Variants in MRAP observed in about 807,000 individuals in gnomAD.
MRAP encodes the protein melanocortin 2 receptor accessory protein.
A neutral mutation model predicts 8.7 loss-of-function variants in MRAP; 8 were observed. That is an observed-to-expected ratio of 0.92 (90% CI 0.54 to 1.66). The LOEUF (loss-of-function observed/expected upper bound fraction) is 1.66, where lower values mean the gene tolerates loss of function less well. Among genes scored for constraint, MRAP ranks in the 40% most tolerant of loss-of-function variants. The pLI is 0.00. For synonymous variants in MRAP, 95 were observed against 95.5 expected (o/e 1.00, Z 0.03); for missense variants, 237 against 217.1 (o/e 1.09, Z -0.58).
At chr21:32,294,404 C>A (rs1251871952), upstream of MRAP, among the ~76,000 whole-genome samples, 1 of 152,172 alleles carries the variant, frequency 6.6e-6, no homozygotes, top group Non-Finnish European at 1.5e-5. Flanking sequence ...CATGAGCCGC[C>A]GCACCCGGAC....
intron 1 of MRAP, among the ~76,000 whole-genome samples, chr21:32,300,266 A>C (rs1210239998): frequency 1.3e-5 from 2 of 151,856 alleles, no homozygotes; most frequent in Admixed American, 1.3e-4. Context: ...ATGGTGGCTC[A>C]TGCCTGTAAT....
intron 1 of MRAP, among the ~76,000 whole-genome samples, chr21:32,304,510 G>C (rs1257077885): frequency 6.6e-6 from 1 of 152,018 alleles, no homozygotes; most frequent in Non-Finnish European, 1.5e-5. Flanking sequence ...AGCTACTCGG[G>C]AGGCTGAGGC....
At chr21:32,299,298 C>T (rs1221514725) in intron 1 of MRAP, among the ~76,000 whole-genome samples, 1 of 152,170 alleles carries the variant, frequency 6.6e-6, no homozygotes, top group South Asian at 2.1e-4. Context: ...TGCTAAGTCA[C>T]GAAGACACTT....
At chr21:32,308,597 C>G (rs2032474395) in intron 2 of MRAP, 1 of 152,688 alleles carries the variant, frequency 6.5e-6, no homozygotes, top group Non-Finnish European at 1.5e-5. Flanking sequence ...TCAGCCCTCA[C>G]AGCTGCTGCT....
At chr21:32,313,555 T>C (rs911361549), downstream of MRAP, 2 of 152,226 alleles carry the variant, frequency 1.3e-5, no homozygotes, top group South Asian at 2.1e-4. Flanking sequence ...TTATTTGTGG[T>C]GAAGGGACTG....
chr21:32,293,640 C>T lies in MRAP; in HGVS notation c.-11+508C>T, dbSNP rs1463424872. Among the ~76,000 whole-genome samples the T allele has an allele frequency of 2.6e-5, 4 of 152,182 alleles. No homozygotes were observed. In the South Asian group the frequency reaches 8.3e-4, roughly 31 times the overall value. On this transcript the variant is annotated intron_variant, in intron 2 of 4. Coordinates refer to the MRAP transcript ENST00000399784. ...CTCTAGATTTCTCCCTTCTACCTTTCTCTCCACACTCAATCTGTAGTTGTG... is the reference window on the plus strand; with the variant it reads ...CTCTAGATTTCTCCCTTCTACCTTTTTCTCCACACTCAATCTGTAGTTGTG...
At chr21:32,296,154 G>A (rs1282931746), upstream of MRAP, among the ~76,000 whole-genome samples, 1 of 151,984 alleles carries the variant, frequency 6.6e-6, no homozygotes, top group Non-Finnish European at 1.5e-5. Flanking sequence ...TCTGTGCCTC[G>A]GTGGTATCCC....
chr21:32,305,809 C>T (rs1444784430), intron 1 of MRAP, among the ~76,000 whole-genome samples: 2 of 151,950 alleles, frequency 1.3e-5, no homozygotes, highest in Non-Finnish European at 2.9e-5. Flanking sequence ...AGACAACCAC[C>T]AAGAAAAACT....
At chr21:32,304,696 C>T (rs1424438398) in intron 1 of MRAP, among the ~76,000 whole-genome samples, 1 of 152,030 alleles carries the variant, frequency 6.6e-6, no homozygotes, top group East Asian at 1.9e-4. Flanking sequence ...AAGCTTAGGA[C>T]ACACAGTTCA....
downstream of MRAP, chr21:32,312,395 G>C (rs1186600334): frequency 3.6e-5 from 38 of 1,054,802 alleles, no homozygotes; most frequent in Non-Finnish European, 3.8e-5. Flanking sequence ...AGGATGCTGG[G>C]TAAGTTCCCA....
chr21:32,302,289 C>T (rs1427044776), intron 1 of MRAP, among the ~76,000 whole-genome samples: 10 of 152,236 alleles, frequency 6.6e-5, no homozygotes, highest in African/African-American at 2.4e-4. Flanking sequence ...CATAAATAAA[C>T]TATCTCACAA....
chr21:32,298,753 T>A, upstream of MRAP: 2 of 510,312 alleles, frequency 3.9e-6, no homozygotes, highest in South Asian at 3.9e-5. Flanking sequence ...AAGGGGCAGA[T>A]GGGAAGCTCT....
At chr21:32,294,116 T>C (rs1486883714), upstream of MRAP, among the ~76,000 whole-genome samples, 1 of 152,146 alleles carries the variant, frequency 6.6e-6, no homozygotes, top group Non-Finnish European at 1.5e-5. Context: ...TTGTTTTTTG[T>C]TGTTTGCTTG....
intron 2 of MRAP, among the ~76,000 whole-genome samples, chr21:32,307,135 GTA>G (rs1340161057): frequency 6.6e-6 from 1 of 152,156 alleles, no homozygotes; most frequent in Non-Finnish European, 1.5e-5. Flanking sequence ...GCTGCATGTT[GTA>G]TGACTCCATT....
upstream of MRAP, among the ~76,000 whole-genome samples, chr21:32,297,662 A>G (rs1156454895): frequency 6.6e-6 from 1 of 152,190 alleles, no homozygotes; most frequent in African/African-American, 2.4e-5. Flanking sequence ...ATTGAGTTAC[A>G]TTGTAGGACA....
Position 32,306,712 on chromosome 21 carries a change from T to G in MRAP, c.179T>G (p.Met60Arg). 6 of 1,614,148 alleles carry G rather than the reference T, an allele frequency of 3.7e-6. No individual in the cohort carries two copies. Among genetic ancestry groups the G allele is most frequent in the Non-Finnish European group, 5.1e-6 (6 of 1,180,022 alleles). ...CTGCTCTTCCTCATCTTGCTCTACA[T>G]GTCCTGGTCCGCCTCCCCGCAGATG... ...VVLLFLILLY[M>R]SWSASPQMRN... Residue 60 changes from methionine to arginine, a missense_variant, in exon 2 of 3, where the codon ATG (methionine) becomes AGG (arginine). Coordinates refer to ENST00000303645, the MANE Select transcript of MRAP (RefSeq NM_001379228.1).
At chr21:32,300,098 C>CT in intron 1 of MRAP, among the ~76,000 whole-genome samples, 1 of 152,340 alleles carries the variant, frequency 6.6e-6, no homozygotes, top group Middle Eastern at 3.4e-3. Context: ...CACATACTGT[C>CT]TGTCAAACAG....
intron 1 of MRAP, among the ~76,000 whole-genome samples, chr21:32,299,571 T>A (rs115453561): frequency 0.024 from 3,622 of 152,170 alleles, 142 homozygotes; most frequent in African/African-American, 0.083. Flanking sequence ...CCTCAAGTGA[T>A]CCCCCAATCT....
chr21:32,298,314 G>T (rs1033903412), upstream of MRAP, among the ~76,000 whole-genome samples: 1 of 152,104 alleles, frequency 6.6e-6, no homozygotes. Flanking sequence ...GCAGCCGGCT[G>T]GTTGGTTCTT....
Sources: gnomAD v4.1 joint callset for allele counts (sites outside exome capture counted in the v4.1 genomes callset) on GRCh38, gnomAD v4.1.1 for gene constraint, MANE v1.5 for transcripts, NCBI Gene and HGNC (gene_info 2026-07-23, HGNC 2026-07-21) for gene names.